FLOT2: variants seen among roughly 807,000 people sequenced by gnomAD.
FLOT2 encodes the protein flotillin 2.
Under a neutral mutation model 54.9 loss-of-function variants are expected in FLOT2, and 35 were observed. The ratio of observed to expected loss-of-function variants is 0.64; its 90% CI spans 0.49 to 0.84. The LOEUF (loss-of-function observed/expected upper bound fraction) is 0.84. Ranked by LOEUF, FLOT2 falls within the 40% of genes least tolerant of loss-of-function variation. The probability of loss-of-function intolerance (pLI) is 0.00; values close to 1 mark genes in which losing one functional copy is unlikely to be tolerated. For synonymous variants in FLOT2, 207 were observed against 228.9 expected (o/e 0.90, Z 0.86); for missense variants, 464 against 572.1 (o/e 0.81, Z 1.93).
At chr17:28,887,283 A>G (rs2039564986) in intron 2 of FLOT2, among the ~76,000 whole-genome samples, 1 of 151,978 alleles carries the variant, frequency 6.6e-6, no homozygotes, top group African/African-American at 2.4e-5. Context: ...AGAAGCCTCT[A>G]CTCTGACCCG....
Position 28,882,747 on chromosome 17 carries a change from G to A in FLOT2, c.347-56C>T. ...CCAGGGACCCAGCCAGCTGGGGAAG[G>A]GAGGAGGCATGCATGTAGAGGTAGG... On this transcript the variant is annotated intron_variant, in intron 4 of 10. Coordinates refer to ENST00000394908, the MANE Select transcript of FLOT2 (RefSeq NM_004475.3). The surrounding 1 kb of genome is among the most constrained non-coding windows in gnomAD (Gnocchi z 5.6). The A allele has an allele frequency of 8.4e-7, 1 of 1,192,558 alleles. No individual in the cohort carries two copies. Among genetic ancestry groups the A allele is most frequent in the South Asian group, 1.2e-5 (1 of 81,834 alleles). The allele number at this position is 1,192,558 out of a possible 1,614,324, so 73.9% of individuals were successfully genotyped here.
In FLOT2 at chr17:28,897,139, C is replaced by T. The variant is rs1485240403; in HGVS notation, c.49+387G>A. On this transcript the variant is annotated intron_variant, in intron 1 of 10. Coordinates refer to ENST00000394908, the MANE Select transcript of FLOT2 (RefSeq NM_004475.3). The surrounding 1 kb of genome is among the most constrained non-coding windows in gnomAD (Gnocchi z 4.4). The stretch of plus-strand genomic sequence containing the variant: ...TGCCCTCCAGGGCTGCGCGACCCGC[C>T]CCCCATCCCGGGCGCTGGAATCCAG... Among the ~76,000 whole-genome samples, 1 of 152,244 alleles carries T rather than the reference C, an allele frequency of 6.6e-6. No individual in the cohort carries two copies. The highest frequency in any genetic ancestry group is 1.9e-4 in the East Asian group (1 of 5,190).
intron 2 of FLOT2, chr17:28,886,048 C>G: frequency 1.0e-5 from 6 of 591,512 alleles, no homozygotes; most frequent in South Asian, 1.8e-5. Flanking sequence ...CGATGCCTGA[C>G]GCCTGGGGGC....
At chr17:28,881,586 C>T (rs574571176) in intron 8 of FLOT2, among the ~76,000 whole-genome samples, 3 of 152,352 alleles carry the variant, frequency 2.0e-5, no homozygotes, top group South Asian at 2.1e-4. Flanking sequence ...ACCAGGATGC[C>T]GTCTATGCCC....
chr17:28,897,583 C>A lies in FLOT2; in HGVS notation c.-9G>T. On this transcript the variant is annotated 5_prime_UTR_variant, in exon 1 of 11. Transcript: ENST00000394908. This position sits in a 1 kb window ranked among gnomAD's most constrained non-coding sequence, Gnocchi z 4.4. ...GTGTGGCAATTGCCCATGGCGCCGG[C>A]GGCACGGAGGGCCCTCGGGACCGCA... 1.3e-6 allele frequency: 2 copies of A among 1,593,404 alleles called. No individual in the cohort carries two copies. Among genetic ancestry groups the A allele is most frequent in the Non-Finnish European group, 1.7e-6 (2 of 1,170,676 alleles).
intron 2 of FLOT2, chr17:28,886,065 G>GGT: frequency 5.0e-6 from 3 of 596,204 alleles, no homozygotes; most frequent in African/African-American, 4.2e-5. Context: ...GGGCGGGGGG[G>GGT]GGCATGCTGT....
chr17:28,881,792 C>T, intron 8 of FLOT2, 22 bp downstream of exon 8: 1 of 1,609,904 alleles, frequency 6.2e-7, no homozygotes, highest in Non-Finnish European at 8.5e-7. Flanking sequence ...AGCCCTGACC[C>T]CGGCACCTGG....
intron 1 of FLOT2, 47 bp from the exon 2 acceptor site, chr17:28,889,073 G>C (rs1445146465): frequency 5.2e-6 from 8 of 1,544,442 alleles, no homozygotes; most frequent in Non-Finnish European, 7.1e-6. Context: ...TCTTGGGTCT[G>C]TCTACCCTCC....
chr17:28,881,710 G>T, intron 8 of FLOT2, 104 bp downstream of exon 8: 1 of 996,240 alleles, frequency 1.0e-6, no homozygotes. Flanking sequence ...ACACAGTGGA[G>T]GGGGAGAAGT....
Position 28,882,489 on chromosome 17 carries a change from G to C in FLOT2, c.466-39C>G. The stretch of plus-strand genomic sequence containing the variant: ...GGGGTATCAGAGGCTCAAAGGAGCA[G>C]CCAGAGGCACAAAGGTGCCCCTCTA... On this transcript the variant is annotated intron_variant, in intron 5 of 10. Transcript: ENST00000394908. The surrounding 1 kb of genome is among the most constrained non-coding windows in gnomAD (Gnocchi z 5.6). 1 of 1,599,342 alleles carries C rather than the reference G, an allele frequency of 6.3e-7. No individual in the cohort carries two copies. The highest frequency in any genetic ancestry group is 8.6e-7 in the Non-Finnish European group (1 of 1,166,726).
intron 2 of FLOT2, 137 bp downstream of exon 2, chr17:28,888,808 C>CA: frequency 2.0e-6 from 1 of 506,458 alleles, no homozygotes; most frequent in Non-Finnish European, 3.8e-6. Flanking sequence ...CCCCCCAACC[C>CA]CACCCCTCCA....
Position 28,882,530 on chromosome 17 carries a change from C to T in FLOT2, c.465+43G>A. ...TGCCCCTCTAACAAAGCCACCATCT[C>T]CCAGATGGACGCCAGGAGATACAGC... On this transcript the variant is annotated intron_variant, in intron 5 of 10. Transcript: ENST00000394908. This position sits in a 1 kb window ranked among gnomAD's most constrained non-coding sequence, Gnocchi z 5.6. 6.3e-7 allele frequency: 1 copy of T among 1,579,940 alleles called. No individual in the cohort carries two copies. Among genetic ancestry groups the T allele is most frequent in the Non-Finnish European group, 8.7e-7 (1 of 1,148,892 alleles).
rs1330197849 is a variant in FLOT2, at chr17:28,880,568, T to C, written c.1280A>G (p.Gln427Arg). ...IPLIKKATGV[Q>R]V Reference sequence around the variant, plus strand: ...AGTGGGCCTGCAGGAGCCTCACACCTGCACACCAGTGGCCTTCTTGATCAG... The same window carrying C: ...AGTGGGCCTGCAGGAGCCTCACACCCGCACACCAGTGGCCTTCTTGATCAG... Residue 427 changes from glutamine (Q) to arginine (R), a missense_variant, in exon 11 of 11, where the codon CAG becomes CGG. Coordinates refer to ENST00000394908, the MANE Select transcript of FLOT2 (RefSeq NM_004475.3). The C allele has an allele frequency of 4.3e-6, 7 of 1,613,936 alleles. No individual in the cohort carries two copies. Among genetic ancestry groups the C allele is most frequent in the Admixed American group, 3.3e-5 (2 of 59,992 alleles).
chr17:28,893,688 C>T (rs539920740), intron 1 of FLOT2, among the ~76,000 whole-genome samples: 3 of 152,314 alleles, frequency 2.0e-5, no homozygotes, highest in South Asian at 2.1e-4. Context: ...GGCAGCCCAG[C>T]GCCAGGCCCG....
chr17:28,885,548 C>G, intron 2 of FLOT2: 1 of 716,358 alleles, frequency 1.4e-6, no homozygotes, highest in Non-Finnish European at 2.6e-6. Context: ...CACCCAAGCC[C>G]AAGAATAGAT....
chr17:28,888,828 T>C, intron 2 of FLOT2, 117 bp downstream of exon 2: 1 of 338,038 alleles, frequency 3.0e-6, no homozygotes, highest in Middle Eastern at 6.2e-4. Flanking sequence ...ACCGCCAGAA[T>C]GGAATGTGGA....
chr17:28,885,802 G>T (rs964359194), intron 2 of FLOT2: 1 of 1,234,752 alleles, frequency 8.1e-7, no homozygotes, highest in Non-Finnish European at 1.2e-6. Flanking sequence ...GCCAGGCCCC[G>T]CAGGGCAGGA....
chr17:28,880,847 C>A lies in FLOT2; in HGVS notation c.1114G>T (p.Ala372Ser). 1 of 1,614,050 alleles carries A rather than the reference C, an allele frequency of 6.2e-7. No homozygotes were observed. ...TCATCGACCTTGGTAAGTGGGGCAG[C>A]GATTTTGGCAGCAATCTAGGAGGTA... The part of the protein sequence containing the change: ...EALPQIAAKI[A>S]APLTKVDEIV... The change falls in exon 10 of 11, where the codon GCT becomes TCT. Residue 372 changes from alanine (A) to serine (S), a missense_variant. Ala to Ser is a moderately conservative substitution (Grantham distance 99). Coordinates refer to ENST00000394908, the MANE Select transcript of FLOT2 (RefSeq NM_004475.3).
rs527856458 is a variant in FLOT2 at position 28,892,217 on chromosome 17, A to G, written c.50-3191T>C. Among the ~76,000 whole-genome samples the G allele has an allele frequency of 1.9e-3, 276 of 148,636 alleles. 1 individual carries two copies. Among genetic ancestry groups the G allele is most frequent in the Middle Eastern group, 3.4e-3 (1 of 290 alleles). Reference sequence around the variant, plus strand: ...GACCAAAAATCACAGCTTATTCTACATCTTCTGGCCTGGTGGGGGCTGGGG... The same window carrying G: ...GACCAAAAATCACAGCTTATTCTACGTCTTCTGGCCTGGTGGGGGCTGGGG... On this transcript the variant is annotated intron_variant, in intron 1 of 10. Coordinates refer to ENST00000394908, the MANE Select transcript of FLOT2 (RefSeq NM_004475.3).
Sources: allele counts gnomAD v4.1 joint callset (sites outside exome capture counted in the v4.1 genomes callset), GRCh38; gene constraint gnomAD v4.1.1; non-coding constraint Gnocchi (gnomAD v3.1); transcripts MANE v1.5; gene names NCBI Gene and HGNC (gene_info 2026-07-23, HGNC 2026-07-21).